The following RPAP3 variants were observed in gnomAD, a reference collection of about 807,000 sequenced individuals.
RPAP3 encodes the protein RNA polymerase II-associated protein 3.
RPAP3 carries 58 observed loss-of-function variants against 88.8 expected under a neutral mutation model. The observed-to-expected ratio is 0.65, with a 90% CI of 0.53 to 0.81. The LOEUF (loss-of-function observed/expected upper bound fraction) is 0.81. Ranked by LOEUF, RPAP3 falls within the 40% of genes least tolerant of loss-of-function variation. The pLI is 0.00. For missense variants in RPAP3, 751 were observed against 764.3 expected (o/e 0.98, Z 0.20); for synonymous variants, 255 against 259.9 (o/e 0.98, Z 0.18).
At chr12:47,683,481 T>TAAA (rs1403572790) in intron 9 of RPAP3, among the ~76,000 whole-genome samples, 1 of 152,182 alleles carries the variant, frequency 6.6e-6, no homozygotes, top group Non-Finnish European at 1.5e-5. Context: ...AGGAAATCAT[T>TAAA]TTAATTGTAT....
chr12:47,685,378 CAA>C (rs11416118), intron 9 of RPAP3, among the ~76,000 whole-genome samples: 133 of 130,422 alleles, frequency 1.0e-3, no homozygotes, highest in African/African-American at 3.5e-3. Flanking sequence ...GACTCTGTCT[CAA>C]AAAAAAAAAA....
intron 9 of RPAP3, among the ~76,000 whole-genome samples, chr12:47,683,392 A>G (rs1204147311): frequency 6.6e-6 from 1 of 152,240 alleles, no homozygotes; most frequent in African/African-American, 2.4e-5. Context: ...ACATTTTAGC[A>G]CAATAAATAT....
rs753843224 is a variant in RPAP3 at position 47,667,855 on chromosome 12, G to GA, written c.1714-5dup. 2,039 of 1,509,444 alleles carry GA rather than the reference G, an allele frequency of 1.4e-3. No homozygotes were observed. Among genetic ancestry groups the GA allele is most frequent in the South Asian group, 1.6e-3 (134 of 81,654 alleles). The allele number at this position is 1,509,444 out of a possible 1,614,324, so 93.5% of individuals were successfully genotyped here. A position where few individuals can be genotyped will look rare whatever the true frequency, so the allele number is the denominator to read the frequency against. On this transcript the variant is annotated splice_region_variant and splice_polypyrimidine_tract_variant and intron_variant, in intron 14 of 16. Coordinates refer to ENST00000005386, the MANE Select transcript of RPAP3 (RefSeq NM_024604.3). ...GATACAAAGATGGTTCAATTTGCTT[G>GA]AAAAAAAAATAAAAAGACAATTACT...
intron 12 of RPAP3, among the ~76,000 whole-genome samples, chr12:47,671,315 T>C (rs775460380): frequency 1.3e-5 from 2 of 152,196 alleles, no homozygotes; most frequent in Non-Finnish European, 2.9e-5. Flanking sequence ...TGCAGCTATA[T>C]ACTTTTGTAT....
At chr12:47,673,658 C>A (rs145325708) in intron 12 of RPAP3, among the ~76,000 whole-genome samples, 1 of 151,866 alleles carries the variant, frequency 6.6e-6, no homozygotes. Flanking sequence ...TGCAAAGGAT[C>A]GTCTATGCAT....
In RPAP3 at chr12:47,661,588, T is replaced by C. The variant is rs1938760710; in HGVS notation, c.*1917A>G. 6.6e-6 allele frequency: 1 copy of C among 152,220 alleles called. No homozygotes were observed. The allele number at this position is 152,220 out of a possible 1,614,324, so 9.4% of individuals were successfully genotyped here. Reference sequence around the variant, plus strand: ...TTAAATCACTACATGAAAATGTCTCTGGGGAGAAATCAGGCTAACATCAGA... The same window carrying C: ...TTAAATCACTACATGAAAATGTCTCCGGGGAGAAATCAGGCTAACATCAGA... On this transcript the variant is annotated 3_prime_UTR_variant, in exon 17 of 17. Transcript: ENST00000005386.
At chr12:47,683,470 T>C (rs1428752387) in intron 9 of RPAP3, among the ~76,000 whole-genome samples, 1 of 152,208 alleles carries the variant, frequency 6.6e-6, no homozygotes, top group African/African-American at 2.4e-5. Context: ...TATAAATGTT[T>C]AGGAAATCAT....
chr12:47,697,528 T>G (rs762776579), intron 4 of RPAP3, 69 bp downstream of exon 4: 264 of 1,440,516 alleles, frequency 1.8e-4, no homozygotes, highest in Non-Finnish European at 2.4e-4. Flanking sequence ...CTCAAGAAAC[T>G]TTACGATCCA....
chr12:47,670,927 C>T (rs1022443103), intron 12 of RPAP3, among the ~76,000 whole-genome samples: 1 of 152,136 alleles, frequency 6.6e-6, no homozygotes, highest in Admixed American at 6.5e-5. Context: ...AGACAATAAC[C>T]AGCATTATGT....
At chr12:47,665,467 T>C (rs537410296) in intron 16 of RPAP3, among the ~76,000 whole-genome samples, 1 of 150,974 alleles carries the variant, frequency 6.6e-6, no homozygotes, top group Non-Finnish European at 1.5e-5. Context: ...TGGGGCAGAG[T>C]GGTTGAAAAA....
At chr12:47,692,827 T>G (rs1486365285) in intron 5 of RPAP3, among the ~76,000 whole-genome samples, 1 of 152,188 alleles carries the variant, frequency 6.6e-6, no homozygotes, top group African/African-American at 2.4e-5. Context: ...AAGTAAGAGA[T>G]CTGCAAGTCT....
At chr12:47,675,640 G>A (rs146195277) in intron 12 of RPAP3, among the ~76,000 whole-genome samples, 1 of 152,144 alleles carries the variant, frequency 6.6e-6, no homozygotes. Flanking sequence ...GATCAAAAGA[G>A]ACAAAGAAAG....
intron 12 of RPAP3, among the ~76,000 whole-genome samples, chr12:47,671,859 G>A (rs1199502323): frequency 6.6e-6 from 1 of 152,144 alleles, no homozygotes; most frequent in South Asian, 2.1e-4. Flanking sequence ...CAGTATGCTA[G>A]TAACAGGAGT....
At chr12:47,685,345 C>T (rs192932294) in intron 9 of RPAP3, among the ~76,000 whole-genome samples, 2 of 149,972 alleles carry the variant, frequency 1.3e-5, no homozygotes. Context: ...CACCACTGCA[C>T]TCCAGCCTGG....
intron 12 of RPAP3, among the ~76,000 whole-genome samples, chr12:47,676,315 C>T (rs1939114704): frequency 6.6e-6 from 1 of 151,876 alleles, no homozygotes; most frequent in African/African-American, 2.4e-5. Context: ...AAATTGACAC[C>T]CTAACATCAC....
At chr12:47,701,016 T>G (rs1472051397) in intron 3 of RPAP3, among the ~76,000 whole-genome samples, 1 of 152,126 alleles carries the variant, frequency 6.6e-6, no homozygotes, top group East Asian at 1.9e-4. Flanking sequence ...GTGCCATATA[T>G]CTGTATCTTA....
intron 12 of RPAP3, among the ~76,000 whole-genome samples, chr12:47,672,257 C>T (rs898644967): frequency 1.3e-5 from 2 of 152,176 alleles, no homozygotes; most frequent in Non-Finnish European, 2.9e-5. Context: ...AAGCTGCCAG[C>T]CCTTCAAGCA....
intron 3 of RPAP3, 116 bp from the exon 4 acceptor site, chr12:47,697,835 C>G: frequency 1.1e-6 from 1 of 943,756 alleles, no homozygotes; most frequent in Non-Finnish European, 1.6e-6. Context: ...ATCTAAGGAC[C>G]TACAGCCTTA....
At chr12:47,683,729 A>G (rs1364575017) in intron 9 of RPAP3, among the ~76,000 whole-genome samples, 1 of 152,234 alleles carries the variant, frequency 6.6e-6, no homozygotes, top group African/African-American at 2.4e-5. Context: ...AATCAAAAAT[A>G]GAATAAAAAT....
Sources: gnomAD v4.1 joint callset for allele counts (sites outside exome capture counted in the v4.1 genomes callset) on GRCh38, gnomAD v4.1.1 for gene constraint, MANE v1.5 for transcripts, NCBI Gene and HGNC (gene_info 2026-07-23, HGNC 2026-07-21) for gene names.